The following TNS1 variants were observed in gnomAD, a reference collection of about 807,000 sequenced individuals.
TNS1 encodes the protein tensin 1, also known as tensin-1.
TNS1 carries 62 observed loss-of-function variants against 168.6 expected under a neutral mutation model. The observed-to-expected ratio is 0.37, with a 90% confidence interval of 0.30 to 0.45. The LOEUF (loss-of-function observed/expected upper bound fraction) is 0.45. Among genes scored for constraint, TNS1 ranks in the 20% least tolerant of loss-of-function variants. The pLI, the probability that TNS1 is intolerant of heterozygous loss-of-function variation, is 1.00. For synonymous variants in TNS1, 934 were observed against 933.2 expected (o/e 1.00, Z -0.02); for missense variants, 2,240 against 2,339.4 (o/e 0.96, Z 0.88).
intron 12 of TNS1, 122 bp downstream of exon 12, chr2:217,890,840 C>T (rs571979974): frequency 9.4e-7 from 1 of 1,059,370 alleles, no homozygotes; most frequent in Non-Finnish European, 1.4e-6. Context: ...CATCTGAAAA[C>T]TTGCGCCTGG....
chr2:217,928,670 C>G (rs931529599), intron 3 of TNS1, among the ~76,000 whole-genome samples: 1 of 152,102 alleles, frequency 6.6e-6, no homozygotes, highest in Non-Finnish European at 1.5e-5. Context: ...GGCTGACTCA[C>G]CAAGGCCCCA....
chr2:217,913,008 C>T (rs571091429), intron 4 of TNS1, among the ~76,000 whole-genome samples: 90 of 152,284 alleles, frequency 5.9e-4, no homozygotes, highest in Non-Finnish European at 9.0e-4. Flanking sequence ...TCTGCGCCTC[C>T]GAGTCTAAGA....
chr2:217,881,107 C>T, intron 17 of TNS1, 93 bp from the exon 18 acceptor site: 1 of 938,640 alleles, frequency 1.1e-6, no homozygotes, highest in Non-Finnish European at 1.7e-6. Context: ...AGCCCACAAG[C>T]TCCCCAAAAG....
chr2:218,029,950 G>A (rs1029818758), intron 1 of TNS1, among the ~76,000 whole-genome samples: 1 of 152,170 alleles, frequency 6.6e-6, no homozygotes, highest in Admixed American at 6.5e-5. Flanking sequence ...TCTGTGAGAT[G>A]AGAGGGGTTA....
rs563880050 is a variant in TNS1, at chr2:217,932,552, T to C, written c.187-12316A>G. On this transcript the variant is annotated intron_variant, in intron 3 of 32. Coordinates refer to ENST00000682258, the MANE Select transcript of TNS1 (RefSeq NM_001387777.1). ...CTCATTTACAGACCAGTAAATTCTA[T>C]GCACTGGGCTCAGTTCTAAGCTTCT... 7.2e-5 allele frequency among the ~76,000 whole-genome samples: 11 copies of C among 152,336 alleles called. 1 individual carries two copies. The East Asian group carries it at 2.1e-3, about 29-fold the overall frequency.
intron 18 of TNS1, chr2:217,879,375 T>C: frequency 2.2e-6 from 1 of 445,252 alleles, no homozygotes; most frequent in Non-Finnish European, 4.5e-6. Flanking sequence ...CACTGAAACC[T>C]CAGAACAAAT....
At chr2:217,918,919 G>A (rs1483768913) in intron 4 of TNS1, among the ~76,000 whole-genome samples, 1 of 152,178 alleles carries the variant, frequency 6.6e-6, no homozygotes, top group African/African-American at 2.4e-5. Context: ...CAGCAGGGCT[G>A]GGCAGCACTG....
At position 217,803,667 on chromosome 2, in the gene TNS1, G is replaced by C. The variant is rs1274669692; in HGVS notation, c.*792C>G. On this transcript the variant is annotated 3_prime_UTR_variant, in exon 33 of 33. Coordinates refer to ENST00000682258, the MANE Select transcript of TNS1 (RefSeq NM_001387777.1). ...GGTCTGGCGGCACCCAGGGTCACTAGAGTGCAGGTGCAGGCACCAGGAGAG... is the reference window on the plus strand; with the variant it reads ...GGTCTGGCGGCACCCAGGGTCACTACAGTGCAGGTGCAGGCACCAGGAGAG... 1 of 152,694 alleles carries C rather than the reference G, an allele frequency of 6.5e-6. No homozygotes were observed. The highest frequency in any genetic ancestry group is 2.4e-5 in the African/African-American group (1 of 41,446). The allele number at this position is 152,694 out of a possible 1,614,324, so 9.5% of individuals were successfully genotyped here.
Position 217,921,549 on chromosome 2 carries a change from C to T in TNS1, c.187-1313G>A, listed in dbSNP as rs112051287. Among the ~76,000 whole-genome samples, 903 of 152,350 alleles carry T rather than the reference C, an allele frequency of 5.9e-3. 13 individuals carry two copies. Among genetic ancestry groups the T allele is most frequent in the African/African-American group, 0.02 (845 of 41,576 alleles). The stretch of plus-strand genomic sequence containing the variant: ...CCAGATAAGGTCAGCACCTGTGGGA[C>T]AGTGTGCTCCAAGCTCTGGAAGGGG... On this transcript the variant is annotated intron_variant, in intron 3 of 32. Coordinates refer to ENST00000682258, the MANE Select transcript of TNS1 (RefSeq NM_001387777.1).
chr2:218,013,763 G>A (rs140781883), upstream of TNS1, among the ~76,000 whole-genome samples: 2,358 of 152,160 alleles, frequency 0.015, 24 homozygotes, highest in Middle Eastern at 0.024. Context: ...TGGGGGTCTG[G>A]CCAGGAGTTG....
rs560695965 is a variant in TNS1, at chr2:217,954,086, G to T, written c.186+24679C>A. ...GGGCCATCTGCAGAAGCTGGCTTGG[G>T]CTAATAAGCCCGCCAGGCTCTCCTT... On this transcript the variant is annotated intron_variant, in intron 3 of 32. Coordinates refer to ENST00000682258, the MANE Select transcript of TNS1 (RefSeq NM_001387777.1). 3.3e-5 allele frequency among the ~76,000 whole-genome samples: 5 copies of T among 152,314 alleles called. No homozygotes were observed. The South Asian group carries it at 1.0e-3, about 32-fold the overall frequency.
At chr2:217,930,771 G>A (rs950731271) in intron 3 of TNS1, among the ~76,000 whole-genome samples, 2 of 152,224 alleles carry the variant, frequency 1.3e-5, no homozygotes, top group Admixed American at 1.3e-4. Flanking sequence ...GCTAGAAGAG[G>A]AGGTGTGAAC....
chr2:217,892,858 C>A, intron 11 of TNS1, 90 bp downstream of exon 11: 1 of 1,443,766 alleles, frequency 6.9e-7, no homozygotes, highest in Non-Finnish European at 9.7e-7. Flanking sequence ...TATCCCCTCA[C>A]TCCAGGGAGC....
intron 25 of TNS1, chr2:217,814,095 G>C (rs879927098): frequency 1.3e-5 from 3 of 236,496 alleles, no homozygotes; most frequent in Admixed American, 5.3e-5. Flanking sequence ...TCAACCTCCT[G>C]GGCTCAAGTG....
chr2:218,002,867 C>T lies in TNS1; in HGVS notation c.6G>A (p.Thr2=), dbSNP rs543142176. The T allele has an allele frequency of 2.6e-5, 12 of 456,790 alleles. No individual in the cohort carries two copies. Among genetic ancestry groups the T allele is most frequent in the Middle Eastern group, 3.2e-4 (1 of 3,098 alleles). 28.3% of individuals were successfully genotyped at this position (456,790 alleles called of 1,614,324 possible). The change falls in exon 1 of 33, where the codon ACG becomes ACA. Residue 2 remains threonine (T), a synonymous_variant. Transcript: ENST00000682258. The part of the protein sequence containing the change: M[T]WICLSCMLWP... ...AGAGCATGCAGGACAGACAGATCCA[C>T]GTCATCTTTGCTGGGTCCCGTCACT... is the stretch of plus-strand genomic sequence containing the variant.
chr2:217,997,372 G>T (rs543438043), intron 1 of TNS1, among the ~76,000 whole-genome samples: 3 of 152,270 alleles, frequency 2.0e-5, no homozygotes, highest in Non-Finnish European at 4.4e-5. Context: ...ACACAATCAG[G>T]ATCCTGAACT....
At chr2:217,941,361 A>C (rs903314835) in intron 3 of TNS1, among the ~76,000 whole-genome samples, 1 of 152,212 alleles carries the variant, frequency 6.6e-6, no homozygotes, top group Non-Finnish European at 1.5e-5. Context: ...ACTGTCACGC[A>C]GCCCACCACA....
At chr2:217,942,770 C>T (rs533007262) in intron 3 of TNS1, among the ~76,000 whole-genome samples, 1 of 152,106 alleles carries the variant, frequency 6.6e-6, no homozygotes, top group East Asian at 1.9e-4. Context: ...ACCCCCACAA[C>T]CGCCTGCCTG....
chr2:217,916,557 C>T (rs540013108), intron 4 of TNS1, among the ~76,000 whole-genome samples: 3 of 152,304 alleles, frequency 2.0e-5, no homozygotes, highest in African/African-American at 4.8e-5. Context: ...CAGGAGTGTC[C>T]GTGGCAAACA....
Sources: gnomAD v4.1 joint callset for allele counts (sites outside exome capture counted in the v4.1 genomes callset) on GRCh38, gnomAD v4.1.1 for gene constraint, MANE v1.5 for transcripts, NCBI Gene and HGNC (gene_info 2026-07-23, HGNC 2026-07-21) for gene names.